Variants in WDR20 observed in about 807,000 individuals in gnomAD.
The protein encoded by WDR20 is WD repeat domain 20.
WDR20 carries 3 observed loss-of-function variants against 38.7 expected under a neutral mutation model. The ratio of observed to expected loss-of-function variants is 0.08; its 90% confidence interval spans 0.04 to 0.20. The LOEUF is 0.20. Ranked by LOEUF, WDR20 falls within the 10% of genes least tolerant of loss-of-function variation. The pLI is 1.00. For missense variants in WDR20, 559 were observed against 727.7 expected (o/e 0.77, Z 2.67); for synonymous variants, 298 against 285.6 (o/e 1.04, Z -0.44).
chr14:102,199,440 G>GT (rs2059946316), intron 2 of WDR20, among the ~76,000 whole-genome samples: 1 of 151,984 alleles, frequency 6.6e-6, no homozygotes, highest in African/African-American at 2.4e-5. Flanking sequence ...GATACCAACC[G>GT]TTTTGAAATA....
Position 102,210,413 on chromosome 14 carries a change from T to A in WDR20, c.*533T>A, listed in dbSNP as rs1315522776. 4.8e-5 allele frequency: 47 copies of A among 985,408 alleles called. No homozygotes were observed. Among genetic ancestry groups the A allele is most frequent in the Non-Finnish European group, 5.4e-5 (45 of 829,958 alleles). The allele number at this position is 985,408 out of a possible 1,614,324, so 61.0% of individuals were successfully genotyped here. On this transcript the variant is annotated 3_prime_UTR_variant, in exon 3 of 3. Transcript: ENST00000342702. ...AAACGTTTAGCAGGGTTGATTGATA[T>A]TATTTTTACATTGTTCTGGCAATCC... is the stretch of plus-strand genomic sequence containing the variant.
At chr14:102,184,679 A>G (rs2064168549) in intron 1 of WDR20, among the ~76,000 whole-genome samples, 1 of 152,104 alleles carries the variant, frequency 6.6e-6, no homozygotes, top group Non-Finnish European at 1.5e-5. Context: ...TACTTAACGC[A>G]TGTTACGCAC....
chr14:102,202,173 T>C (rs1253052763), intron 2 of WDR20, among the ~76,000 whole-genome samples: 1 of 151,636 alleles, frequency 6.6e-6, no homozygotes. Context: ...CTGTGCTCTC[T>C]CCTAAGGACC....
At chr14:102,219,710 C>A (rs950574617), downstream of WDR20, among the ~76,000 whole-genome samples, 1 of 152,208 alleles carries the variant, frequency 6.6e-6, no homozygotes, top group Non-Finnish European at 1.5e-5. Flanking sequence ...GCATGGGGAC[C>A]CTGAGTTTTG....
Position 102,139,901 on chromosome 14 carries a change from C to A in WDR20, c.-23C>A, listed in dbSNP as rs373018913. ...GTGGGCGTGATCCGGGCACTTAGGG[C>A]AGGATGAACGCTGCTTTCCAAGATG... On this transcript the variant is annotated 5_prime_UTR_variant, in exon 1 of 3. Transcript: ENST00000342702. 9.9e-6 allele frequency: 16 copies of A among 1,608,826 alleles called. No homozygotes were observed. In the African/African-American group the frequency reaches 2.1e-4, roughly 21 times the overall value.
At chr14:102,139,551 C>T (rs1868573518), upstream of WDR20, 2 of 848,088 alleles carry the variant, frequency 2.4e-6, no homozygotes, top group Admixed American at 2.9e-5. Context: ...ACCTCAGGCT[C>T]ATGACACCAG....
At chr14:102,213,808 C>T (rs1313664003), downstream of WDR20, 6 of 985,256 alleles carry the variant, frequency 6.1e-6, no homozygotes, top group South Asian at 1.9e-4. Context: ...CTTTGTTGAG[C>T]GAGCTCAAAG....
intron 1 of WDR20, among the ~76,000 whole-genome samples, chr14:102,159,016 C>G (rs1430722242): frequency 7.2e-5 from 11 of 151,946 alleles, no homozygotes; most frequent in Admixed American, 7.2e-4. Context: ...GATCAAAGCT[C>G]ACCGCAACCT....
chr14:102,162,908 G>A (rs1484546088), intron 1 of WDR20, among the ~76,000 whole-genome samples: 1 of 152,168 alleles, frequency 6.6e-6, no homozygotes, highest in Non-Finnish European at 1.5e-5. Flanking sequence ...CACCTTGCCA[G>A]GCCCTTAGAT....
At position 102,162,531 on chromosome 14, in the gene WDR20, A is replaced by G. The variant is rs550687457; in HGVS notation, c.249+22359A>G. On this transcript the variant is annotated intron_variant, in intron 1 of 2. Coordinates refer to ENST00000342702, the MANE Select transcript of WDR20 (RefSeq NM_144574.4). The stretch of plus-strand genomic sequence containing the variant: ...AATTTGTTGAAATTATAGTCCTCCA[A>G]CAAGGACTCACTTGAATACATCAGA... Among the ~76,000 whole-genome samples, 11 of 152,284 alleles carry G rather than the reference A, an allele frequency of 7.2e-5. 1 individual carries two copies. In the South Asian group the frequency reaches 2.1e-3, roughly 29 times the overall value.
downstream of WDR20, among the ~76,000 whole-genome samples, chr14:102,217,321 G>A (rs2063336311): frequency 6.6e-6 from 1 of 152,172 alleles, no homozygotes; most frequent in East Asian, 1.9e-4. Context: ...TCTCTCTGAT[G>A]CTTTTCTTCC....
intron 1 of WDR20, among the ~76,000 whole-genome samples, chr14:102,161,377 G>A (rs10134055): frequency 0.14 from 20,538 of 148,588 alleles, 3,091 homozygotes; most frequent in African/African-American, 0.38. Context: ...GCAGCGGTGC[G>A]ATCATGGCTT....
Position 102,172,751 on chromosome 14 carries a change from G to T in WDR20, c.250-22187G>T, listed in dbSNP as rs1475446390. On this transcript the variant is annotated intron_variant, in intron 1 of 2. Transcript: ENST00000342702. Reference sequence around the variant, plus strand: ...CTCCCGGACGGGGCGGCTGCCGGGCGGAGACGCTCCTCACTTCCCAGACGG... The same window carrying T: ...CTCCCGGACGGGGCGGCTGCCGGGCTGAGACGCTCCTCACTTCCCAGACGG... Among the ~76,000 whole-genome samples the T allele has an allele frequency of 4.6e-3, 679 of 147,472 alleles. 7 individuals are homozygous for T. Among genetic ancestry groups the T allele is most frequent in the African/African-American group, 0.016 (628 of 40,064 alleles).
intron 1 of WDR20, among the ~76,000 whole-genome samples, chr14:102,164,353 C>G (rs1372082845): frequency 2.4e-5 from 1 of 42,070 alleles, no homozygotes; most frequent in Admixed American, 3.5e-4. Context: ...ATCACATGAC[C>G]CAGGAAGTAC....
intron 1 of WDR20, among the ~76,000 whole-genome samples, chr14:102,177,968 G>A (rs2062523726): frequency 6.6e-6 from 1 of 152,192 alleles, no homozygotes; most frequent in South Asian, 2.1e-4. Flanking sequence ...AGTCATTGGT[G>A]TCTTTAACTC....
At chr14:102,189,493 A>C (rs1435900991) in intron 1 of WDR20, among the ~76,000 whole-genome samples, 1 of 152,258 alleles carries the variant, frequency 6.6e-6, no homozygotes, top group Non-Finnish European at 1.5e-5. Context: ...GGTTTAATGT[A>C]TTCTACAAAT....
downstream of WDR20, chr14:102,213,590 C>T (rs2062823020): frequency 5.1e-6 from 5 of 985,324 alleles, no homozygotes; most frequent in South Asian, 1.9e-4. Flanking sequence ...GGGGCAAGGA[C>T]ACCGTCCGGG....
At chr14:102,223,940 C>T (rs990809873), downstream of WDR20, among the ~76,000 whole-genome samples, 1 of 152,096 alleles carries the variant, frequency 6.6e-6, no homozygotes, top group African/African-American at 2.4e-5. Flanking sequence ...TCCGAGTCCT[C>T]CTTTCGTCAT....
chr14:102,149,732 C>T (rs552515104), intron 1 of WDR20, among the ~76,000 whole-genome samples: 11 of 152,332 alleles, frequency 7.2e-5, no homozygotes, highest in African/African-American at 1.2e-4. Context: ...CTCACTCTGT[C>T]GCCCAGGCTG....
Sources: gnomAD v4.1 joint callset for allele counts (sites outside exome capture counted in the v4.1 genomes callset) on GRCh38, gnomAD v4.1.1 for gene constraint, MANE v1.5 for transcripts, NCBI Gene and HGNC (gene_info 2026-07-23, HGNC 2026-07-21) for gene names.